Variants in COL1A2 observed in about 807,000 individuals in gnomAD.
COL1A2 encodes collagen type I alpha 2 chain, also known as collagen alpha-2(I) chain.
Under a neutral mutation model 174.3 loss-of-function variants are expected in COL1A2, and 49 were observed. That is an observed-to-expected ratio of 0.28 (90% CI 0.22 to 0.36). The LOEUF (loss-of-function observed/expected upper bound fraction) is 0.36. Ranked by LOEUF, COL1A2 falls within the 10% of genes least tolerant of loss-of-function variation. COL1A2 has a pLI of 1.00. For synonymous variants in COL1A2, 655 were observed against 606.6 expected, an observed-to-expected ratio of 1.08 and a Z score of -1.17; for missense variants, 1,438 against 1,822.7, an observed-to-expected ratio of 0.79 and a Z score of 3.84.
chr7:94,410,673 T>C, intron 21 of COL1A2, 146 bp downstream of exon 21: 1 of 905,512 alleles, frequency 1.1e-6, no homozygotes, highest in Non-Finnish European at 1.8e-6. Flanking sequence ...TCAGTGACTC[T>C]CAATTTAATA....
At chr7:94,425,333 C>A in intron 42 of COL1A2, 109 bp downstream of exon 42, 3 of 1,074,464 alleles carry the variant, frequency 2.8e-6, no homozygotes, top group South Asian at 1.4e-5. Context: ...ACAAGATGGT[C>A]AGCTTCTCCA....
At chr7:94,426,388 C>A in intron 45 of COL1A2, 35 bp from the exon 46 acceptor site, 2 of 1,534,880 alleles carry the variant, frequency 1.3e-6, no homozygotes, top group Admixed American at 3.9e-5. Flanking sequence ...TTTTTTAAAA[C>A]GGTAAGTCTT....
In COL1A2 at chr7:94,420,530, A is replaced by T. The variant is rs1792136537; in HGVS notation, c.2188-11A>T. On this transcript the variant is annotated splice_polypyrimidine_tract_variant and intron_variant, in intron 36 of 51. Coordinates refer to ENST00000297268, the MANE Select transcript of COL1A2 (RefSeq NM_000089.4). ...CGGAATACCAGAGCTGTAACTGTTT[A>T]TTTCCAACAGGGTGCTGCTGGTCAA... 6 of 1,613,974 alleles carry T rather than the reference A, an allele frequency of 3.7e-6. No individual in the cohort carries two copies. Among genetic ancestry groups the T allele is most frequent in the Non-Finnish European group, 5.1e-6 (6 of 1,180,024 alleles).
At position 94,408,513 on chromosome 7, in the gene COL1A2, C is replaced by T. The variant is rs889081377; in HGVS notation, c.738+133C>T. ...TGTTCTGTGAGGTCTTTTGAAGGCTCCATTTATAAGTAGTGTAAGCCATTT... is the reference window on the plus strand; with the variant it reads ...TGTTCTGTGAGGTCTTTTGAAGGCTTCATTTATAAGTAGTGTAAGCCATTT... On this transcript the variant is annotated intron_variant, in intron 15 of 51. Transcript: ENST00000297268. 9.1e-6 allele frequency: 11 copies of T among 1,207,540 alleles called. No individual in the cohort carries two copies. In the African/African-American group the frequency reaches 1.5e-4, roughly 17 times the overall value. 74.8% of individuals were successfully genotyped at this position (1,207,540 alleles called of 1,614,324 possible).
rs184372988 is a variant in COL1A2, at chr7:94,415,105, T to C, written c.1720-121T>C. ...TTGTTCTTATTAGCCTGTGTACTTA[T>C]GCACTCATGTAGATACTGCCAGGTT... On this transcript the variant is annotated intron_variant, in intron 29 of 51. Transcript: ENST00000297268. The C allele has an allele frequency of 6.0e-6, 5 of 836,620 alleles. No individual in the cohort carries two copies. The Admixed American group carries it at 6.9e-5, about 12-fold the overall frequency. The allele number at this position is 836,620 out of a possible 1,614,324, so 51.8% of individuals were successfully genotyped here.
At chr7:94,395,528 T>C (rs984222572) in intron 1 of COL1A2, 4 of 322,244 alleles carry the variant, frequency 1.2e-5, no homozygotes, top group African/African-American at 6.5e-5. Context: ...AACTGAGTAA[T>C]GTAAAACTCA....
In COL1A2 at chr7:94,427,302, A is replaced by G; in HGVS notation, c.3267+7A>G. 1.9e-6 allele frequency: 3 copies of G among 1,604,358 alleles called. No homozygotes were observed. The highest frequency in any genetic ancestry group is 1.1e-5 in the South Asian group (1 of 89,812). Reference sequence around the variant, plus strand: ...GGGTCACCAAGGCCCTGCTGTAAGTATGATTTGGGGAAATAATAAAGAAGA... The same window carrying G: ...GGGTCACCAAGGCCCTGCTGTAAGTGTGATTTGGGGAAATAATAAAGAAGA... On this transcript the variant is annotated splice_region_variant and intron_variant, in intron 48 of 51. Coordinates refer to ENST00000297268, the MANE Select transcript of COL1A2 (RefSeq NM_000089.4).
At chr7:94,397,021 G>C (rs1358764602) in intron 1 of COL1A2, among the ~76,000 whole-genome samples, 1 of 152,042 alleles carries the variant, frequency 6.6e-6, no homozygotes, top group Non-Finnish European at 1.5e-5. Flanking sequence ...TATTTTTCAA[G>C]ATCTTTAATC....
chr7:94,416,863 G>T, intron 31 of COL1A2: 1 of 190,710 alleles, frequency 5.2e-6, no homozygotes, highest in Non-Finnish European at 1.1e-5. Context: ...ATCCCATAGA[G>T]TAAAATTTCA....
intron 5 of COL1A2, 25 bp from the exon 6 acceptor site, chr7:94,401,541 AT>A: frequency 2.2e-5 from 24 of 1,114,662 alleles, no homozygotes; most frequent in Non-Finnish European, 2.6e-5. Context: ...ATATATATAT[AT>A]AATTTTTTTT....
chr7:94,402,457 C>T (rs1321799920), intron 6 of COL1A2, among the ~76,000 whole-genome samples: 1 of 151,962 alleles, frequency 6.6e-6, no homozygotes, highest in Admixed American at 6.6e-5. Flanking sequence ...TCACTCAGTA[C>T]AAATATTCAG....
intron 1 of COL1A2, chr7:94,395,416 G>A (rs961392019): frequency 2.6e-6 from 1 of 386,142 alleles, no homozygotes; most frequent in African/African-American, 2.1e-5. Context: ...AGATATTAAC[G>A]ACCAATGTGG....
chr7:94,398,978 A>C (rs1397239035), intron 3 of COL1A2, 71 bp from the exon 4 acceptor site: 2 of 1,437,198 alleles, frequency 1.4e-6, no homozygotes, highest in African/African-American at 1.4e-5. Flanking sequence ...TATTATCAAG[A>C]ATGATTTGTT....
Position 94,400,273 on chromosome 7 carries a change from C to T in COL1A2, c.210C>T (p.Pro70=). 4 of 1,613,474 alleles carry T rather than the reference C, an allele frequency of 2.5e-6. No homozygotes were observed. The highest frequency in any genetic ancestry group is 1.3e-5 in the African/African-American group (1 of 74,832). The change falls in exon 5 of 52, where the codon CCC becomes CCT. Residue 70 remains proline, a synonymous_variant. Coordinates refer to ENST00000297268, the MANE Select transcript of COL1A2 (RefSeq NM_000089.4). ...CTGGTCCACCTGGTCCTCCTGGCCCCCCTGGTCTCGGTGGGGTAAGGTGTC... is the reference window on the plus strand; with the variant it reads ...CTGGTCCACCTGGTCCTCCTGGCCCTCCTGGTCTCGGTGGGGTAAGGTGTC... ...GPPGPPGPPG[P]PGLGGNFAAQ...
In COL1A2 at chr7:94,431,187, T is replaced by TA. The variant is rs1562909687; in HGVS notation, c.*794_*795insA. 3 of 152,572 alleles carry TA rather than the reference T, an allele frequency of 2.0e-5. No individual in the cohort carries two copies. The highest frequency in any genetic ancestry group is 7.2e-5 in the African/African-American group (3 of 41,410). The allele number at this position is 152,572 out of a possible 1,614,324, so 9.5% of individuals were successfully genotyped here. A position where few individuals can be genotyped will look rare whatever the true frequency, so the allele number is the denominator to read the frequency against. On this transcript the variant is annotated 3_prime_UTR_variant, in exon 52 of 52. Coordinates refer to ENST00000297268, the MANE Select transcript of COL1A2 (RefSeq NM_000089.4). Reference sequence around the variant, plus strand: ...ATATGTGAGATGTTTAAATAAATTGTGAAAAAAATGAAATAAAGCATGTTT... The same window carrying TA: ...ATATGTGAGATGTTTAAATAAATTGTAGAAAAAAATGAAATAAAGCATGTTT...
chr7:94,405,582 T>C (rs1791778785), intron 10 of COL1A2, 91 bp from the exon 11 acceptor site: 3 of 1,259,318 alleles, frequency 2.4e-6, no homozygotes. Flanking sequence ...AGCTTGAACT[T>C]TGATGAGAAT....
intron 30 of COL1A2, 68 bp from the exon 31 acceptor site, chr7:94,416,337 C>T (rs980001002): frequency 1.3e-5 from 18 of 1,354,312 alleles, no homozygotes; most frequent in Non-Finnish European, 1.8e-5. Flanking sequence ...AATGTAAACT[C>T]TCATATGTAA....
chr7:94,400,565 A>T (rs192934291), intron 5 of COL1A2, among the ~76,000 whole-genome samples: 1 of 152,250 alleles, frequency 6.6e-6, no homozygotes, highest in Admixed American at 6.5e-5. Flanking sequence ...TTAGTAAGGC[A>T]CAAATAAGAG....
chr7:94,412,021 A>G lies in COL1A2; in HGVS notation c.1351-47A>G, dbSNP rs772658491. On this transcript the variant is annotated intron_variant, in intron 23 of 51. Coordinates refer to ENST00000297268, the MANE Select transcript of COL1A2 (RefSeq NM_000089.4). The stretch of plus-strand genomic sequence containing the variant: ...ACTTCAGTTAATCTAAGGCTTGAGT[A>G]TGTAAGTTAAAGTGCCAATATAAAA... 9 of 1,499,950 alleles carry G rather than the reference A, an allele frequency of 6.0e-6. No individual in the cohort carries two copies. In the South Asian group the frequency reaches 8.1e-5, roughly 13 times the overall value. The allele number at this position is 1,499,950 out of a possible 1,614,324, so 92.9% of individuals were successfully genotyped here. A position where few individuals can be genotyped will look rare whatever the true frequency, so the allele number is the denominator to read the frequency against.
Sources: gnomAD v4.1 joint callset for allele counts (sites outside exome capture counted in the v4.1 genomes callset) on GRCh38, gnomAD v4.1.1 for gene constraint, MANE v1.5 for transcripts, NCBI Gene and HGNC (gene_info 2026-07-23, HGNC 2026-07-21) for gene names.